SLC35F5: variants seen among roughly 807,000 people sequenced by gnomAD.
SLC35F5 encodes solute carrier family 35 member F5, also known as HCV NS5A-transactivated protein 3.
In SLC35F5, 54 loss-of-function variants were observed where a neutral mutation model predicts 68.6. The observed-to-expected ratio is 0.79, with a 90% CI of 0.63 to 0.99. SLC35F5 has a LOEUF of 0.99. Ranked by LOEUF, SLC35F5 falls within the 50% of genes least tolerant of loss-of-function variation. The probability of loss-of-function intolerance (pLI) is 0.00; values close to 1 mark genes in which losing one functional copy is unlikely to be tolerated. For synonymous variants in SLC35F5, 211 were observed against 205.2 expected (o/e 1.03, Z -0.24); for missense variants, 567 against 626.9 (o/e 0.90, Z 1.02).
At chr2:113,737,255 A>G (rs1407899037) in intron 7 of SLC35F5, among the ~76,000 whole-genome samples, 2 of 152,240 alleles carry the variant, frequency 1.3e-5, no homozygotes, top group East Asian at 1.9e-4. Context: ...ATTGTAGAGC[A>G]CTACCAGAAC....
rs1676693567 is a variant in SLC35F5 at position 113,750,554 on chromosome 2, C to T, written c.288G>A (p.Gln96=). 2 of 1,610,070 alleles carry T rather than the reference C, an allele frequency of 1.2e-6. No individual in the cohort carries two copies. Among genetic ancestry groups the T allele is most frequent in the African/African-American group, 2.7e-5 (2 of 74,720 alleles). Residue 96 remains glutamine (Q), a synonymous_variant, in exon 4 of 16, where the codon CAG becomes CAA. Coordinates refer to ENST00000245680, the MANE Select transcript of SLC35F5 (RefSeq NM_025181.5). ...AGGTGCTGAAGAATGGTTTGTTGTA[C>T]TGGGTAAAAACATACTGTAGAGGAA... ...SSELTSYVFT[Q]YNKPFFSTFA...
intron 1 of SLC35F5, 96 bp from the exon 2 acceptor site, chr2:113,755,640 A>C: frequency 1.6e-6 from 2 of 1,254,350 alleles, no homozygotes; most frequent in Non-Finnish European, 2.3e-6. Context: ...AACTCAAAGC[A>C]AATCAATGAA....
At chr2:113,704,915 A>C (rs1368301593), downstream of SLC35F5, 3 of 152,682 alleles carry the variant, frequency 2.0e-5, no homozygotes, top group Admixed American at 1.3e-4. Flanking sequence ...CAGGCAGAGG[A>C]GGCGGGGAGA....
intron 3 of SLC35F5, among the ~76,000 whole-genome samples, chr2:113,752,782 G>A (rs905334909): frequency 3.3e-5 from 5 of 152,066 alleles, no homozygotes; most frequent in Non-Finnish European, 5.9e-5. Flanking sequence ...GACACCACCG[G>A]AGAAAACTGG....
At position 113,709,149 on chromosome 2, in the gene SLC35F5, T is replaced by C. The variant is rs995009120; in HGVS notation, c.*6069A>G. 1.3e-5 allele frequency among the ~76,000 whole-genome samples: 2 copies of C among 152,200 alleles called. No homozygotes were observed. The highest frequency in any genetic ancestry group is 2.9e-5 in the Non-Finnish European group (2 of 68,032). On this transcript the variant is annotated 3_prime_UTR_variant, in exon 16 of 16. Coordinates refer to ENST00000245680, the MANE Select transcript of SLC35F5 (RefSeq NM_025181.5). ...CAAAGCACTAAGTACACATAGGTGT[T>C]TGGCATTGTCTCTGGAACTACAAAA...
chr2:113,726,805 A>G (rs1199340768), intron 11 of SLC35F5, among the ~76,000 whole-genome samples: 1 of 152,136 alleles, frequency 6.6e-6, no homozygotes, highest in Non-Finnish European at 1.5e-5. Context: ...CCGCCTCAGT[A>G]CCTGCAATGA....
rs1686858734 is a variant in SLC35F5, at chr2:113,708,322, C to T, written c.*6896G>A. 6.6e-6 allele frequency among the ~76,000 whole-genome samples: 1 copy of T among 152,186 alleles called. No individual in the cohort carries two copies. The highest frequency in any genetic ancestry group is 6.5e-5 in the Admixed American group (1 of 15,274). The stretch of plus-strand genomic sequence containing the variant: ...ATGGAATTAAAAGATGAGAAAACCT[C>T]GTAGTATTTTAGTCTGGTACTTTTA... On this transcript the variant is annotated 3_prime_UTR_variant, in exon 16 of 16. Transcript: ENST00000245680.
rs1687006197 is a variant in SLC35F5 at position 113,712,099 on chromosome 2, C to T, written c.*3119G>A. On this transcript the variant is annotated 3_prime_UTR_variant, in exon 16 of 16. Transcript: ENST00000245680. ...AAGGCTGTGTACCTTTGAGAACATTCACATTTAACCTTGTGAGCTCACTTC... is the reference window on the plus strand; with the variant it reads ...AAGGCTGTGTACCTTTGAGAACATTTACATTTAACCTTGTGAGCTCACTTC... Among the ~76,000 whole-genome samples the T allele has an allele frequency of 6.6e-6, 1 of 152,162 alleles. No individual in the cohort carries two copies. Among genetic ancestry groups the T allele is most frequent in the Non-Finnish European group, 1.5e-5 (1 of 68,022 alleles).
chr2:113,710,076 A>G lies in SLC35F5; in HGVS notation c.*5142T>C, dbSNP rs1265448846. On this transcript the variant is annotated 3_prime_UTR_variant, in exon 16 of 16. Coordinates refer to ENST00000245680, the MANE Select transcript of SLC35F5 (RefSeq NM_025181.5). ...CGTGATCCTCCTGCCTCAGTCTCCCAAAGCACTGGAATTACAGGCATGAGC... is the reference window on the plus strand; with the variant it reads ...CGTGATCCTCCTGCCTCAGTCTCCCGAAGCACTGGAATTACAGGCATGAGC... Among the ~76,000 whole-genome samples, 1 of 152,118 alleles carries G rather than the reference A, an allele frequency of 6.6e-6. No homozygotes were observed. The highest frequency in any genetic ancestry group is 2.1e-4 in the South Asian group (1 of 4,830).
At chr2:113,756,210 C>G (rs4538208) in intron 1 of SLC35F5, 160 bp downstream of exon 1, 1,336,314 of 1,500,890 alleles carry the variant, frequency 0.89, 596,595 homozygotes, top group African/African-American at 0.98. Context: ...CGCAGGGCTC[C>G]GGCGCCCCTG....
intron 7 of SLC35F5, among the ~76,000 whole-genome samples, chr2:113,736,994 C>T (rs953349427): frequency 6.6e-6 from 1 of 152,112 alleles, no homozygotes; most frequent in Non-Finnish European, 1.5e-5. Flanking sequence ...CTAGTACACA[C>T]CTGCCACCTG....
chr2:113,751,815 A>G (rs1156907848), intron 3 of SLC35F5, among the ~76,000 whole-genome samples: 1 of 151,988 alleles, frequency 6.6e-6, no homozygotes, highest in East Asian at 1.9e-4. Flanking sequence ...TCTGTCCCCA[A>G]AAAAGAAACA....
In SLC35F5 at chr2:113,755,188, C is replaced by T. The variant is rs1255862843; in HGVS notation, c.250G>A (p.Val84Ile). ...VILLLVDVIW[V>I]ASSELTSYVF... is the part of the protein sequence containing the mutation. Reference sequence around the variant, plus strand: ...ACCGAAGTAAGTTCAGAGGAAGCAACCCATATCACATCAACAAGCAGAAGA... The same window carrying T: ...ACCGAAGTAAGTTCAGAGGAAGCAATCCATATCACATCAACAAGCAGAAGA... The change falls in exon 3 of 16, where the codon GTT (valine) becomes ATT (isoleucine). Residue 84 changes from valine to isoleucine, a missense_variant. Coordinates refer to ENST00000245680, the MANE Select transcript of SLC35F5 (RefSeq NM_025181.5). 7 of 1,613,888 alleles carry T rather than the reference C, an allele frequency of 4.3e-6. No homozygotes were observed. In the Admixed American group the frequency reaches 1.0e-4, roughly 23 times the overall value.
At chr2:113,705,077 T>A (rs750758701), downstream of SLC35F5, 1 of 152,230 alleles carries the variant, frequency 6.6e-6, no homozygotes, top group Non-Finnish European at 1.5e-5. Flanking sequence ...ATGTGAATTT[T>A]GTCAGCAGCC....
intron 3 of SLC35F5, among the ~76,000 whole-genome samples, chr2:113,754,305 GAA>G (rs375660155): frequency 2.0e-3 from 234 of 117,546 alleles, no homozygotes; most frequent in Middle Eastern, 8.3e-3. Context: ...AAAAAAAAAA[GAA>G]AAAAAAAAAA....
At chr2:113,724,301 G>C (rs775967333) in intron 12 of SLC35F5, among the ~76,000 whole-genome samples, 2 of 152,116 alleles carry the variant, frequency 1.3e-5, no homozygotes, top group Non-Finnish European at 2.9e-5. Context: ...CTGTTAAGGT[G>C]GATCCAATTT....
chr2:113,715,522 C>G (rs907876288), intron 15 of SLC35F5, among the ~76,000 whole-genome samples: 3 of 152,186 alleles, frequency 2.0e-5, no homozygotes, highest in African/African-American at 7.2e-5. Flanking sequence ...CTAGTCTTCA[C>G]TCTCTCCTTT....
chr2:113,754,937 C>CT (rs35217717), intron 3 of SLC35F5, among the ~76,000 whole-genome samples: 35,267 of 152,030 alleles, frequency 0.23, 4,445 homozygotes, highest in Middle Eastern at 0.48. Context: ...CATAGTCTCT[C>CT]TAAGTAACCC....
At chr2:113,746,741 A>T (rs1033052834) in intron 4 of SLC35F5, among the ~76,000 whole-genome samples, 2 of 152,072 alleles carry the variant, frequency 1.3e-5, no homozygotes, top group Middle Eastern at 3.2e-3. Context: ...CCTGACCAAC[A>T]TGGTAAAACC....
Sources: gnomAD v4.1 joint callset for allele counts (sites outside exome capture counted in the v4.1 genomes callset) on GRCh38, gnomAD v4.1.1 for gene constraint, MANE v1.5 for transcripts, NCBI Gene and HGNC (gene_info 2026-07-23, HGNC 2026-07-21) for gene names.